RBFOX3: variants seen among roughly 807,000 people sequenced by gnomAD.
RBFOX3 encodes RNA binding protein fox-1 homolog 3.
Under a neutral mutation model 48.7 loss-of-function variants are expected in RBFOX3, and 17 were observed. The observed-to-expected ratio is 0.35, with a 90% CI of 0.24 to 0.52. The LOEUF (loss-of-function observed/expected upper bound fraction) is 0.52. RBFOX3 is among the 20% of genes least tolerant of loss of function. The pLI is 0.94. For missense variants in RBFOX3, 382 were observed against 497.5 expected, an observed-to-expected ratio of 0.77 and a Z score of 2.21; for synonymous variants, 212 against 209.5, an observed-to-expected ratio of 1.01 and a Z score of -0.10.
intron 4 of RBFOX3, among the ~76,000 whole-genome samples, chr17:79,200,174 A>AAAAAG (rs2056518183): frequency 6.6e-6 from 1 of 151,812 alleles, no homozygotes; most frequent in Non-Finnish European, 1.5e-5. Flanking sequence ...AAAAAAAAAA[A>AAAAAG]AAAAAAAAAT....
At chr17:79,106,063 G>A (rs1192938706) in intron 6 of RBFOX3, among the ~76,000 whole-genome samples, 1 of 152,248 alleles carries the variant, frequency 6.6e-6, no homozygotes, top group Non-Finnish European at 1.5e-5. Flanking sequence ...CCCGGAACAG[G>A]CCCTCGGAGT....
rs905019583 is a variant in RBFOX3, at chr17:79,362,738, G to C, written c.-174-54914C>G. Among the ~76,000 whole-genome samples the C allele has an allele frequency of 2.6e-5, 4 of 152,336 alleles. No homozygotes were observed. Among genetic ancestry groups the C allele is most frequent in the Non-Finnish European group, 5.9e-5 (4 of 68,030 alleles). On this transcript the variant is annotated intron_variant, in intron 2 of 14. Coordinates refer to ENST00000693108, the MANE Select transcript of RBFOX3 (RefSeq NM_001350451.2). The surrounding 1 kb of genome is among the most constrained non-coding windows in gnomAD (Gnocchi z 4.2). Reference sequence around the variant, plus strand: ...TGCACAGGCTCATTAGAGACCATGGGATGGGGCCTCCGAGGAGCTCTGGGA... The same window carrying C: ...TGCACAGGCTCATTAGAGACCATGGCATGGGGCCTCCGAGGAGCTCTGGGA...
intron 2 of RBFOX3, among the ~76,000 whole-genome samples, chr17:79,439,452 C>T (rs2070344501): frequency 6.6e-6 from 1 of 152,240 alleles, no homozygotes; most frequent in African/African-American, 2.4e-5. Flanking sequence ...AGGCTCCATC[C>T]AAACAGCAGT....
chr17:79,380,376 T>C (rs920227108), intron 2 of RBFOX3, among the ~76,000 whole-genome samples: 1 of 152,254 alleles, frequency 6.6e-6, no homozygotes, highest in Non-Finnish European at 1.5e-5. Context: ...ACAGGAACAC[T>C]TTATCCAAGG....
At chr17:79,340,096 C>T (rs532488420) in intron 2 of RBFOX3, among the ~76,000 whole-genome samples, 34 of 152,166 alleles carry the variant, frequency 2.2e-4, no homozygotes, top group Admixed American at 1.1e-3. Flanking sequence ...GCCAGGAGTT[C>T]GAGACCAGCC....
intron 2 of RBFOX3, among the ~76,000 whole-genome samples, chr17:79,397,054 T>C (rs2062079132): frequency 2.0e-5 from 3 of 152,184 alleles, no homozygotes; most frequent in Admixed American, 2.0e-4. Flanking sequence ...GGGGTGGATT[T>C]GGGAATAAAG....
intron 4 of RBFOX3, among the ~76,000 whole-genome samples, chr17:79,181,166 G>A (rs906016653): frequency 1.3e-5 from 2 of 152,204 alleles, no homozygotes; most frequent in Admixed American, 1.3e-4. Context: ...GGAAGACACT[G>A]AGGTTCAGAG....
At chr17:79,230,494 C>T (rs9905981) in intron 4 of RBFOX3, among the ~76,000 whole-genome samples, 106,655 of 151,304 alleles carry the variant, frequency 0.7, 37,960 homozygotes, top group Middle Eastern at 0.73. Flanking sequence ...CTGCTGACCT[C>T]GTGATCCGCC....
chr17:79,564,861 G>A (rs2092393488), intron 1 of RBFOX3, among the ~76,000 whole-genome samples: 1 of 151,966 alleles, frequency 6.6e-6, no homozygotes, highest in African/African-American at 2.4e-5. Flanking sequence ...CCAATATGGT[G>A]AAACCCCATC....
At chr17:79,552,995 ATTTCT>A (rs2091296373) in intron 1 of RBFOX3, among the ~76,000 whole-genome samples, 2 of 152,050 alleles carry the variant, frequency 1.3e-5, no homozygotes. Context: ...TATTCTTCTC[ATTTCT>A]TTTCTTGTCT....
intron 1 of RBFOX3, among the ~76,000 whole-genome samples, chr17:79,495,956 G>A (rs923616652): frequency 1.3e-5 from 2 of 152,128 alleles, no homozygotes; most frequent in South Asian, 2.1e-4. Flanking sequence ...AGATGGGAAC[G>A]TGCAGAAACA....
intron 3 of RBFOX3, among the ~76,000 whole-genome samples, chr17:79,241,341 C>A (rs967023375): frequency 6.6e-6 from 1 of 152,032 alleles, no homozygotes; most frequent in African/African-American, 2.4e-5. Context: ...GAGCCCTCTG[C>A]GTAACACCAT....
At chr17:79,164,563 A>G (rs1029436909) in intron 4 of RBFOX3, among the ~76,000 whole-genome samples, 11 of 152,212 alleles carry the variant, frequency 7.2e-5, no homozygotes, top group Non-Finnish European at 1.5e-4. Flanking sequence ...TGTGCCAGTG[A>G]AAACGGTGCC....
In RBFOX3 at chr17:79,125,156, C is replaced by T. The variant is rs143297146; in HGVS notation, c.-33-9408G>A. On this transcript the variant is annotated intron_variant, in intron 4 of 14. Coordinates refer to ENST00000693108, the MANE Select transcript of RBFOX3 (RefSeq NM_001350451.2). Reference sequence around the variant, plus strand: ...TGCCTGTTGGATCCTGATGACATGACGGTGTGGGGCGAGGGCTTCCCTAGC... The same window carrying T: ...TGCCTGTTGGATCCTGATGACATGATGGTGTGGGGCGAGGGCTTCCCTAGC... Among the ~76,000 whole-genome samples the T allele has an allele frequency of 2.3e-3, 357 of 152,266 alleles. 1 individual carries two copies. Among genetic ancestry groups the T allele is most frequent in the African/African-American group, 8.1e-3 (337 of 41,546 alleles).
rs917699716 is a variant in RBFOX3, at chr17:79,508,448, C to T, written c.-319-25850G>A. 3.4e-3 allele frequency among the ~76,000 whole-genome samples: 519 copies of T among 152,340 alleles called. 5 individuals carry two copies. Among genetic ancestry groups the T allele is most frequent in the African/African-American group, 0.012 (502 of 41,584 alleles). ...GCCGCCCACCGCCTCCCTGACCGCCCGAGGCCGCCCACTGCCTCCCTTGTT... is the reference window on the plus strand; with the variant it reads ...GCCGCCCACCGCCTCCCTGACCGCCTGAGGCCGCCCACTGCCTCCCTTGTT... On this transcript the variant is annotated intron_variant, in intron 1 of 14. Transcript: ENST00000693108.
rs969581409 is a variant in RBFOX3 at position 79,111,685 on chromosome 17, G to A, written c.222+3809C>T. 1.3e-5 allele frequency among the ~76,000 whole-genome samples: 2 copies of A among 152,170 alleles called. No individual in the cohort carries two copies. Among genetic ancestry groups the A allele is most frequent in the Non-Finnish European group, 2.9e-5 (2 of 68,032 alleles). On this transcript the variant is annotated intron_variant, in intron 5 of 14. Coordinates refer to ENST00000693108, the MANE Select transcript of RBFOX3 (RefSeq NM_001350451.2). The surrounding 1 kb of genome is among the most constrained non-coding windows in gnomAD (Gnocchi z 4.2). The stretch of plus-strand genomic sequence containing the variant: ...CCTGACTTCGTGATCCACCTGCCTC[G>A]GCCTCCCGAAGTGCTGGGGTGACAG...
intron 3 of RBFOX3, among the ~76,000 whole-genome samples, chr17:79,244,254 C>T (rs1186392145): frequency 6.6e-6 from 1 of 152,010 alleles, no homozygotes; most frequent in South Asian, 2.1e-4. Context: ...AGGATGGAGG[C>T]GGAGATTGGA....
chr17:79,120,266 G>A (rs1250626315), intron 4 of RBFOX3, among the ~76,000 whole-genome samples: 2 of 152,190 alleles, frequency 1.3e-5, no homozygotes, highest in Non-Finnish European at 2.9e-5. Context: ...ACTCAGAAGA[G>A]TCTCAGCGTA....
At chr17:79,439,458 G>A (rs1555733389) in intron 2 of RBFOX3, among the ~76,000 whole-genome samples, 1 of 152,202 alleles carries the variant, frequency 6.6e-6, no homozygotes, top group East Asian at 1.9e-4. Context: ...CATCCAAACA[G>A]CAGTGACCAT....
Sources: gnomAD v4.1 joint callset for allele counts (sites outside exome capture counted in the v4.1 genomes callset) on GRCh38, gnomAD v4.1.1 for gene constraint, Gnocchi (gnomAD v3.1) non-coding constraint, MANE v1.5 for transcripts, NCBI Gene and HGNC (gene_info 2026-07-23, HGNC 2026-07-21) for gene names.